Variants in ZBTB7C observed in about 807,000 individuals in gnomAD.
ZBTB7C encodes zinc finger and BTB domain containing 7C, also known as zinc finger and BTB domain-containing protein 7C.
A neutral mutation model predicts 25.7 loss-of-function variants in ZBTB7C; 8 were observed. The ratio of observed to expected loss-of-function variants is 0.31; its 90% confidence interval spans 0.18 to 0.56. The LOEUF (loss-of-function observed/expected upper bound fraction) is 0.56. Ranked by LOEUF, ZBTB7C falls within the 20% of genes least tolerant of loss-of-function variation. The pLI is 0.91. For missense variants in ZBTB7C, 824 were observed against 855.2 expected, an observed-to-expected ratio of 0.96 and a Z score of 0.46; for synonymous variants, 394 against 369.0, an observed-to-expected ratio of 1.07 and a Z score of -0.78.
At chr18:48,251,726 C>T (rs2043863525) in intron 2 of ZBTB7C, among the ~76,000 whole-genome samples, 1 of 152,342 alleles carries the variant, frequency 6.6e-6, no homozygotes, top group South Asian at 2.1e-4. Flanking sequence ...TGGCCAGCTT[C>T]TTCGTGGACT....
chr18:48,276,684 T>C (rs1170786534), intron 2 of ZBTB7C, among the ~76,000 whole-genome samples: 20 of 74,986 alleles, frequency 2.7e-4, no homozygotes, highest in African/African-American at 9.9e-4. Flanking sequence ...CCACATTTTC[T>C]TAATCCAGTC....
chr18:48,098,647 A>G (rs2038724270), intron 3 of ZBTB7C, among the ~76,000 whole-genome samples: 1 of 152,264 alleles, frequency 6.6e-6, no homozygotes, highest in South Asian at 2.1e-4. Context: ...GTGGTATGGG[A>G]AGGATTTCAT....
chr18:48,127,091 A>C (rs376108824), intron 3 of ZBTB7C, among the ~76,000 whole-genome samples: 7 of 152,186 alleles, frequency 4.6e-5, no homozygotes, highest in East Asian at 1.9e-4. Flanking sequence ...GGCTTTCCTC[A>C]TTCAGTCTTC....
intron 3 of ZBTB7C, among the ~76,000 whole-genome samples, chr18:48,162,921 C>T (rs1344950202): frequency 6.6e-6 from 1 of 152,084 alleles, no homozygotes; most frequent in African/African-American, 2.4e-5. Flanking sequence ...GGAGGATGAA[C>T]GTTCATGCTC....
chr18:48,128,732 C>CA (rs879132349), intron 3 of ZBTB7C, among the ~76,000 whole-genome samples: 2 of 151,434 alleles, frequency 1.3e-5, no homozygotes, highest in East Asian at 1.9e-4. Flanking sequence ...GGGTGAGGGA[C>CA]AAAAAAAACT....
chr18:48,246,311 T>C (rs1369375043), intron 2 of ZBTB7C, among the ~76,000 whole-genome samples: 1 of 151,958 alleles, frequency 6.6e-6, no homozygotes, highest in Non-Finnish European at 1.5e-5. Context: ...GTGCCTGTAG[T>C]CCCAGCTACT....
chr18:48,331,113 C>T (rs1373868981), intron 2 of ZBTB7C, among the ~76,000 whole-genome samples: 3 of 152,134 alleles, frequency 2.0e-5, no homozygotes, highest in Non-Finnish European at 4.4e-5. Flanking sequence ...TAGCCTCCAT[C>T]CCTGTGTATT....
intron 1 of ZBTB7C, among the ~76,000 whole-genome samples, chr18:48,407,154 G>T (rs971236326): frequency 5.9e-5 from 9 of 152,176 alleles, no homozygotes; most frequent in African/African-American, 2.2e-4. Context: ...ATCCACAACA[G>T]CACAGCATTT....
At chr18:48,403,018 G>T (rs1246722553) in intron 1 of ZBTB7C, among the ~76,000 whole-genome samples, 1 of 152,206 alleles carries the variant, frequency 6.6e-6, no homozygotes, top group African/African-American at 2.4e-5. Flanking sequence ...CTGCAGGGCT[G>T]AGTGTGCCCC....
chr18:48,093,838 G>A (rs2038515096), intron 3 of ZBTB7C, among the ~76,000 whole-genome samples: 1 of 152,208 alleles, frequency 6.6e-6, no homozygotes, highest in South Asian at 2.1e-4. Context: ...GGTAGATCAT[G>A]AGGTCAGGAG....
At chr18:48,355,707 T>A (rs1421501722) in intron 1 of ZBTB7C, among the ~76,000 whole-genome samples, 1 of 152,172 alleles carries the variant, frequency 6.6e-6, no homozygotes, top group African/African-American at 2.4e-5. Flanking sequence ...TGCTGCCTCA[T>A]CCATAGCCTC....
chr18:48,195,962 T>C (rs2042308759), intron 2 of ZBTB7C, among the ~76,000 whole-genome samples: 2 of 152,206 alleles, frequency 1.3e-5, no homozygotes, highest in Admixed American at 1.3e-4. Context: ...TAAACAGGTT[T>C]GGGAATGAAG....
At chr18:48,042,375 T>TC (rs1400431857) in intron 3 of ZBTB7C, among the ~76,000 whole-genome samples, 3 of 152,174 alleles carry the variant, frequency 2.0e-5, no homozygotes, top group Non-Finnish European at 4.4e-5. Context: ...TCAACATGGC[T>TC]CATCTAGATA....
chr18:48,357,171 G>A (rs2046993957), intron 1 of ZBTB7C, among the ~76,000 whole-genome samples: 1 of 152,240 alleles, frequency 6.6e-6, no homozygotes, highest in Non-Finnish European at 1.5e-5. Flanking sequence ...CTGTCCCAGA[G>A]GGGTGAGAGA....
chr18:48,407,506 G>A (rs932123623), intron 1 of ZBTB7C, among the ~76,000 whole-genome samples: 1 of 152,172 alleles, frequency 6.6e-6, no homozygotes, highest in Non-Finnish European at 1.5e-5. Flanking sequence ...ATGGGCTTGG[G>A]GTGTGGGGGT....
intron 3 of ZBTB7C, among the ~76,000 whole-genome samples, chr18:48,172,790 T>C (rs993652821): frequency 6.6e-6 from 1 of 152,226 alleles, no homozygotes; most frequent in Non-Finnish European, 1.5e-5. Flanking sequence ...AAGGGCCGCC[T>C]GGTCCTGTCT....
At chr18:48,290,704 T>C (rs28634965) in intron 2 of ZBTB7C, among the ~76,000 whole-genome samples, 17,150 of 152,212 alleles carry the variant, frequency 0.11, 1,384 homozygotes, top group African/African-American at 0.23. Context: ...ATCCTCTTCC[T>C]GGCAAGGCCT....
rs529490340 is a variant in ZBTB7C at position 48,226,452 on chromosome 18, T to C, written c.-78-40457A>G. Among the ~76,000 whole-genome samples the C allele has an allele frequency of 3.9e-5, 6 of 152,342 alleles. No individual in the cohort carries two copies. In the South Asian group the frequency reaches 1.2e-3, roughly 32 times the overall value. Reference sequence around the variant, plus strand: ...TACTATGTTGAGGAGCTGAGGCCTTTAAACAATGGTAGGGCTGGAAGGAAT... The same window carrying C: ...TACTATGTTGAGGAGCTGAGGCCTTCAAACAATGGTAGGGCTGGAAGGAAT... On this transcript the variant is annotated intron_variant, in intron 2 of 4. Transcript: ENST00000590800.
chr18:48,287,806 T>G (rs1230442554), intron 2 of ZBTB7C, among the ~76,000 whole-genome samples: 1 of 152,232 alleles, frequency 6.6e-6, no homozygotes, highest in Non-Finnish European at 1.5e-5. Flanking sequence ...TAAAAGAGAC[T>G]AATCATATAG....
Sources: allele counts gnomAD v4.1 joint callset (sites outside exome capture counted in the v4.1 genomes callset), GRCh38; gene constraint gnomAD v4.1.1; transcripts MANE v1.5; gene names NCBI Gene and HGNC (gene_info 2026-07-23, HGNC 2026-07-21).